The following LRMDA variants were observed in gnomAD, a reference collection of about 807,000 sequenced individuals.
LRMDA encodes the protein leucine rich melanocyte differentiation associated, also known as leucine-rich melanocyte differentiation-associated protein.
A neutral mutation model predicts 29.8 loss-of-function variants in LRMDA; 18 were observed. That is an observed-to-expected ratio of 0.60 (90% CI 0.42 to 0.90). The LOEUF (loss-of-function observed/expected upper bound fraction) is 0.90. LRMDA is among the 40% of genes least tolerant of loss of function. The pLI is 0.00. For synonymous variants in LRMDA, 125 were observed against 109.4 expected, an observed-to-expected ratio of 1.14 and a Z score of -0.89; for missense variants, 273 against 273.9, an observed-to-expected ratio of 1.00 and a Z score of 0.02.
At chr10:76,548,246 A>G (rs1843445471) in intron 6 of LRMDA, among the ~76,000 whole-genome samples, 1 of 152,184 alleles carries the variant, frequency 6.6e-6, no homozygotes, top group African/African-American at 2.4e-5. Context: ...TTTACCTAAA[A>G]TGAGGTTCTT....
At chr10:75,939,718 A>C (rs1846355666) in intron 2 of LRMDA, among the ~76,000 whole-genome samples, 1 of 152,104 alleles carries the variant, frequency 6.6e-6, no homozygotes, top group African/African-American at 2.4e-5. Flanking sequence ...GTACTCTCAG[A>C]GGTCATTCCT....
chr10:75,521,489 C>A (rs1486320263), intron 2 of LRMDA, among the ~76,000 whole-genome samples: 1 of 152,206 alleles, frequency 6.6e-6, no homozygotes, highest in Non-Finnish European at 1.5e-5. Context: ...GTGAGCAAGG[C>A]TCCGTGGGCG....
At chr10:76,035,186 A>C (rs1848220191) in intron 2 of LRMDA, among the ~76,000 whole-genome samples, 1 of 149,798 alleles carries the variant, frequency 6.7e-6, no homozygotes, top group Non-Finnish European at 1.5e-5. Flanking sequence ...TGCACTCTAC[A>C]CTTCTTTCAA....
At chr10:76,436,854 A>G (rs11593840) in intron 6 of LRMDA, among the ~76,000 whole-genome samples, 59,939 of 151,980 alleles carry the variant, frequency 0.39, 12,231 homozygotes, top group Non-Finnish European at 0.43. Context: ...CAAGCCTTCA[A>G]TTGGTCAGGT....
chr10:75,767,836 C>G (rs1008165009), intron 2 of LRMDA, among the ~76,000 whole-genome samples: 1 of 152,190 alleles, frequency 6.6e-6, no homozygotes, highest in African/African-American at 2.4e-5. Flanking sequence ...TGGAAAGATT[C>G]TCTTGGAAGG....
intron 6 of LRMDA, among the ~76,000 whole-genome samples, chr10:76,343,752 G>C (rs1841068927): frequency 6.6e-6 from 1 of 150,982 alleles, no homozygotes; most frequent in African/African-American, 2.4e-5. Context: ...AATTAGATAT[G>C]AGAAGAGATT....
intron 5 of LRMDA, among the ~76,000 whole-genome samples, chr10:76,101,369 T>C (rs539861782): frequency 2.2e-4 from 34 of 152,218 alleles, no homozygotes; most frequent in Middle Eastern, 3.2e-3. Context: ...TTACATCTTT[T>C]GAACCAAAAG....
intron 6 of LRMDA, among the ~76,000 whole-genome samples, chr10:76,349,405 A>G (rs929938183): frequency 6.6e-6 from 1 of 152,114 alleles, no homozygotes; most frequent in Admixed American, 6.5e-5. Context: ...CTCCTGCTAT[A>G]TGTATAGGTA....
At chr10:75,816,708 C>T (rs977959314) in intron 2 of LRMDA, among the ~76,000 whole-genome samples, 1 of 152,164 alleles carries the variant, frequency 6.6e-6, no homozygotes, top group Non-Finnish European at 1.5e-5. Context: ...TTTGTTAAAA[C>T]AATGTAAAAT....
chr10:75,561,369 T>G, intron 2 of LRMDA, among the ~76,000 whole-genome samples: 1 of 148,516 alleles, frequency 6.7e-6, no homozygotes, highest in Non-Finnish European at 1.5e-5. Flanking sequence ...TTCTGTGGGA[T>G]CAATGGTGAT....
chr10:75,706,880 T>C (rs1842376723), intron 2 of LRMDA, among the ~76,000 whole-genome samples: 1 of 152,128 alleles, frequency 6.6e-6, no homozygotes, highest in African/African-American at 2.4e-5. Flanking sequence ...GATGAAGTGG[T>C]GGTGGGGACC....
At chr10:76,510,216 G>A (rs569105566) in intron 6 of LRMDA, among the ~76,000 whole-genome samples, 5 of 152,074 alleles carry the variant, frequency 3.3e-5, no homozygotes, top group East Asian at 3.9e-4. Context: ...GACTACAAGC[G>A]TGTGCCACCA....
chr10:76,482,512 A>G (rs1171234422), intron 6 of LRMDA, among the ~76,000 whole-genome samples: 3 of 151,918 alleles, frequency 2.0e-5, no homozygotes, highest in African/African-American at 7.2e-5. Flanking sequence ...ATGTTGTTGC[A>G]TGTAGCAGAA....
At position 76,161,202 on chromosome 10, in the gene LRMDA, C is replaced by T. The variant is rs12255299; in HGVS notation, c.516+102419C>T. Among the ~76,000 whole-genome samples, 1,515 of 152,176 alleles carry T rather than the reference C, an allele frequency of 1.0e-2. 29 individuals are homozygous for T. Among genetic ancestry groups the T allele is most frequent in the African/African-American group, 0.034 (1,420 of 41,522 alleles). ...GGAAAGAGATCTTGTCTCTGACTCA[C>T]GTATTTCTCTTTAAGTGAATGAGCA... On this transcript the variant is annotated intron_variant, in intron 5 of 6. Transcript: ENST00000611255.
chr10:75,814,879 C>T (rs1844031273), intron 2 of LRMDA, among the ~76,000 whole-genome samples: 1 of 152,164 alleles, frequency 6.6e-6, no homozygotes, highest in Non-Finnish European at 1.5e-5. Context: ...TTTTCTATTG[C>T]AGTTTTAAGA....
In LRMDA at chr10:76,247,485, A is replaced by G. The variant is rs117774476; in HGVS notation, c.517-76916A>G. ...CACATTTGCTATTTGGAAAATAATT[A>G]TAGATCCTTTTGAGAGATTCAGCTG... is the stretch of plus-strand genomic sequence containing the variant. On this transcript the variant is annotated intron_variant, in intron 5 of 6. Coordinates refer to ENST00000611255, the MANE Select transcript of LRMDA (RefSeq NM_001305581.2). 2.7e-3 allele frequency among the ~76,000 whole-genome samples: 417 copies of G among 152,306 alleles called. 19 individuals carry two copies. In the East Asian group the frequency reaches 0.062, roughly 23 times the overall value.
At chr10:75,824,443 G>C (rs1041012442) in intron 2 of LRMDA, among the ~76,000 whole-genome samples, 1 of 152,174 alleles carries the variant, frequency 6.6e-6, no homozygotes, top group Non-Finnish European at 1.5e-5. Context: ...TTGCAACAGA[G>C]ACTATATAGC....
intron 6 of LRMDA, among the ~76,000 whole-genome samples, chr10:76,389,869 A>G (rs1446975176): frequency 6.6e-6 from 1 of 152,090 alleles, no homozygotes; most frequent in Non-Finnish European, 1.5e-5. Flanking sequence ...TTATTCATTC[A>G]TCTTGTTGAT....
chr10:75,757,087 A>G (rs1843040967), intron 2 of LRMDA, among the ~76,000 whole-genome samples: 1 of 152,216 alleles, frequency 6.6e-6, no homozygotes, highest in African/African-American at 2.4e-5. Context: ...CTAAATTCTC[A>G]CCTGTGGTGA....
Sources: allele counts gnomAD v4.1 joint callset (sites outside exome capture counted in the v4.1 genomes callset), GRCh38; gene constraint gnomAD v4.1.1; transcripts MANE v1.5; gene names NCBI Gene and HGNC (gene_info 2026-07-23, HGNC 2026-07-21).